Variants in GAPVD1 observed in about 807,000 individuals in gnomAD.
The protein encoded by GAPVD1 is GTPase activating protein and VPS9 domains 1, also known as GTPase-activating protein and VPS9 domain-containing protein 1.
GAPVD1 carries 35 observed loss-of-function variants against 155.5 expected under a neutral mutation model. The observed-to-expected ratio is 0.23, with a 90% CI of 0.17 to 0.30. The LOEUF (loss-of-function observed/expected upper bound fraction) is 0.30, where lower values mean the gene tolerates loss of function less well. Ranked by LOEUF, GAPVD1 falls within the 10% of genes least tolerant of loss-of-function variation. The pLI is 1.00. For synonymous variants in GAPVD1, 636 were observed against 619.7 expected, an observed-to-expected ratio of 1.03 and a Z score of -0.39; for missense variants, 1,429 against 1,775.7, an observed-to-expected ratio of 0.80 and a Z score of 3.51.
At chr9:125,338,945 G>T (rs577395786) in intron 17 of GAPVD1, among the ~76,000 whole-genome samples, 15 of 149,494 alleles carry the variant, frequency 1.0e-4, no homozygotes, top group African/African-American at 3.7e-4. Context: ...GTGTGTGTGT[G>T]TGTGTGTGTG....
intron 9 of GAPVD1, among the ~76,000 whole-genome samples, chr9:125,320,434 G>A (rs942722647): frequency 6.6e-6 from 1 of 152,040 alleles, no homozygotes; most frequent in African/African-American, 2.4e-5. Context: ...TTTAGTTTCT[G>A]GTGTGGACTT....
intron 8 of GAPVD1, chr9:125,309,433 C>G (rs986347813): frequency 1.3e-5 from 2 of 152,040 alleles, no homozygotes; most frequent in African/African-American, 4.8e-5. Flanking sequence ...CTTCCAGGTT[C>G]AAGCGATTCT....
chr9:125,307,473 T>C lies in GAPVD1; in HGVS notation c.1177T>C (p.Leu393=). The C allele has an allele frequency of 1.2e-6, 2 of 1,609,438 alleles. No individual in the cohort carries two copies. Among genetic ancestry groups the C allele is most frequent in the East Asian group, 2.2e-5 (1 of 44,868 alleles). ...GGGCCGTGCAGTGGAGACCCCTCCA[T>C]TGTCTTCCGTCAATCTTCTGGAAGG... is the stretch of plus-strand genomic sequence containing the variant. ...IGGRAVETPP[L]SSVNLLEGLS... is the part of the protein sequence containing the mutation. Residue 393 remains leucine (L), a synonymous_variant, in exon 7 of 28, where the codon TTG becomes CTG. Transcript: ENST00000297933.
Position 125,350,772 on chromosome 9 carries a change from A to G in GAPVD1, c.3469A>G (p.Lys1157Glu). 1 of 1,592,120 alleles carries G rather than the reference A, an allele frequency of 6.3e-7. No homozygotes were observed. The highest frequency in any genetic ancestry group is 1.1e-5 in the South Asian group (1 of 90,556). ...QIAEAINLQD[K>E]NLMAQLQETM... ...AGCTGAAGCAATTAATTTACAAGAT[A>G]AGAATCTAATGGCTCAACTTCAAGA... Residue 1157 changes from lysine to glutamate, a missense_variant, in exon 23 of 28, where the codon AAG (lysine) becomes GAG (glutamate). Physicochemically the swap from Lys to Glu is moderately conservative, Grantham distance 56. Around this residue, in one of 4 missense-constraint regions of GAPVD1, gnomAD observed 699 missense variants for 826.0 expected, o/e 0.85. Coordinates refer to ENST00000297933, the MANE Select transcript of GAPVD1 (RefSeq NM_001282680.3).
At chr9:125,321,665 C>A in intron 10 of GAPVD1, 103 bp downstream of exon 10, 1 of 1,017,318 alleles carries the variant, frequency 9.8e-7, no homozygotes, top group South Asian at 1.6e-5. Context: ...CTGTGCTTCT[C>A]ACTGAGGAGA....
intron 9 of GAPVD1, among the ~76,000 whole-genome samples, chr9:125,315,956 C>T (rs1843356200): frequency 6.6e-6 from 1 of 152,080 alleles, no homozygotes; most frequent in Admixed American, 6.6e-5. Flanking sequence ...GTTGAAGTTC[C>T]CCAAAACAGA....
At chr9:125,337,877 GTTGTTTT>G (rs762887459) in intron 17 of GAPVD1, among the ~76,000 whole-genome samples, 1 of 152,056 alleles carries the variant, frequency 6.6e-6, no homozygotes, top group Admixed American at 6.6e-5. Context: ...TGTTAGATGA[GTTGTTTT>G]TTGTTTTTTG....
intron 26 of GAPVD1, chr9:125,359,706 G>T (rs1428118774): frequency 2.0e-6 from 1 of 496,878 alleles, no homozygotes; most frequent in African/African-American, 2.0e-5. Context: ...GTTGTGAGGA[G>T]CCCTTCCTTG....
In GAPVD1 at chr9:125,363,499, G is replaced by A. The variant is rs1318057160; in HGVS notation, c.*753G>A. 6.6e-6 allele frequency: 1 copy of A among 152,160 alleles called. No homozygotes were observed. The highest frequency in any genetic ancestry group is 2.4e-5 in the African/African-American group (1 of 41,442). 9.4% of individuals were successfully genotyped at this position (152,160 alleles called of 1,614,324 possible). A position where few individuals can be genotyped will look rare whatever the true frequency, so the allele number is the denominator to read the frequency against. ...CAGGGCTGCCTTTAATGAGTGTGAA[G>A]GTCACTAAGTCACTTAGACATCTCA... On this transcript the variant is annotated 3_prime_UTR_variant, in exon 28 of 28. Coordinates refer to ENST00000297933, the MANE Select transcript of GAPVD1 (RefSeq NM_001282680.3).
intron 2 of GAPVD1, among the ~76,000 whole-genome samples, chr9:125,291,399 G>T (rs1564303652): frequency 6.6e-6 from 1 of 152,196 alleles, no homozygotes. Context: ...GTCTAGTGAG[G>T]AGGGCAGGTT....
chr9:125,268,146 A>G (rs1834277264), intron 1 of GAPVD1, among the ~76,000 whole-genome samples: 1 of 151,898 alleles, frequency 6.6e-6, no homozygotes, highest in Admixed American at 6.6e-5. Context: ...CTTGAGCAAC[A>G]AGAACAAAAC....
In GAPVD1 at chr9:125,312,408, T is replaced by G. The variant is rs553092952; in HGVS notation, c.1442-44T>G. On this transcript the variant is annotated intron_variant, in intron 8 of 27. Transcript: ENST00000297933. ...CATATTTAGCATACCATTTTCTTCA[T>G]TTGTCTATTTCTCTAAATTATTTTA... The G allele has an allele frequency of 2.8e-5, 36 of 1,290,120 alleles. No homozygotes were observed. In the Admixed American group the frequency reaches 9.3e-4, roughly 34 times the overall value. The allele number at this position is 1,290,120 out of a possible 1,614,324, so 79.9% of individuals were successfully genotyped here.
At chr9:125,279,038 C>G (rs1836283984) in intron 2 of GAPVD1, among the ~76,000 whole-genome samples, 1 of 151,410 alleles carries the variant, frequency 6.6e-6, no homozygotes, top group Non-Finnish European at 1.5e-5. Flanking sequence ...ATGGTGAAAC[C>G]CCGTATCTAC....
At chr9:125,339,474 C>T (rs543667021) in intron 17 of GAPVD1, among the ~76,000 whole-genome samples, 5 of 152,304 alleles carry the variant, frequency 3.3e-5, no homozygotes, top group South Asian at 2.1e-4. Context: ...TGTACTTTGT[C>T]CTAGTTAGCT....
At chr9:125,322,018 A>G (rs1844392075) in intron 10 of GAPVD1, among the ~76,000 whole-genome samples, 1 of 152,164 alleles carries the variant, frequency 6.6e-6, no homozygotes, top group African/African-American at 2.4e-5. Flanking sequence ...TAAAAAGAAA[A>G]TTCAAAGCCA....
intron 23 of GAPVD1, 73 bp downstream of exon 23, chr9:125,350,945 C>T (rs538995151): frequency 1.7e-6 from 2 of 1,200,506 alleles, no homozygotes; most frequent in Admixed American, 2.2e-5. Context: ...ATCCTTATTT[C>T]AGAAATGAAT....
At chr9:125,310,133 G>A (rs192485088) in intron 8 of GAPVD1, 5 of 231,940 alleles carry the variant, frequency 2.2e-5, no homozygotes, top group African/African-American at 9.3e-5. Flanking sequence ...TTGATTGCTT[G>A]CATTTTTATA....
chr9:125,307,346 T>G, intron 6 of GAPVD1, 67 bp from the exon 7 acceptor site: 1 of 1,141,604 alleles, frequency 8.8e-7, no homozygotes, highest in Non-Finnish European at 1.2e-6. Flanking sequence ...CTTGTCCACC[T>G]TAATGAGAAA....
At chr9:125,316,557 A>G (rs1230754939) in intron 9 of GAPVD1, among the ~76,000 whole-genome samples, 1 of 152,232 alleles carries the variant, frequency 6.6e-6, no homozygotes, top group Non-Finnish European at 1.5e-5. Context: ...TATCCCTGCA[A>G]AGGACATGAA....
Sources: allele counts gnomAD v4.1 joint callset (sites outside exome capture counted in the v4.1 genomes callset), GRCh38; gene constraint gnomAD v4.1.1; regional missense constraint gnomAD v4.1.1; transcripts MANE v1.5; gene names NCBI Gene and HGNC (gene_info 2026-07-23, HGNC 2026-07-21).